Variants in SMOC2 observed in about 807,000 individuals in gnomAD.
SMOC2 encodes SPARC-related modular calcium-binding protein 2.
Under a neutral mutation model 61.4 loss-of-function variants are expected in SMOC2, and 39 were observed. That is an observed-to-expected ratio of 0.64 (90% CI 0.49 to 0.83). The LOEUF (loss-of-function observed/expected upper bound fraction) is 0.83. Among genes scored for constraint, SMOC2 ranks in the 40% least tolerant of loss-of-function variants. The pLI, the probability that SMOC2 is intolerant of heterozygous loss-of-function variation, is 0.00. For synonymous variants in SMOC2, 247 were observed against 239.9 expected, an observed-to-expected ratio of 1.03 and a Z score of -0.27; for missense variants, 556 against 592.9, an observed-to-expected ratio of 0.94 and a Z score of 0.65.
intron 7 of SMOC2, among the ~76,000 whole-genome samples, chr6:168,596,157 T>C (rs1341375416): frequency 4.1e-5 from 3 of 73,900 alleles, no homozygotes; most frequent in African/African-American, 1.8e-4. Context: ...AATGAACAGG[T>C]GCCATGTGAA....
In SMOC2 at chr6:168,643,198, G is replaced by A. The variant is rs1014388744; in HGVS notation, c.908-7483G>A. On this transcript the variant is annotated intron_variant, in intron 9 of 12. Transcript: ENST00000356284. ...ACAGCAAACTCAAGCAGGGCTCCTG[G>A]GTCCTCCCACAGCTGGCTGGGACCC... Among the ~76,000 whole-genome samples the A allele has an allele frequency of 2.0e-5, 3 of 152,212 alleles. No individual in the cohort carries two copies. In the South Asian group the frequency reaches 6.2e-4, roughly 32 times the overall value.
chr6:168,547,348 AC>A (rs10715583), intron 6 of SMOC2, among the ~76,000 whole-genome samples, 179 bp downstream of exon 6: 19,307 of 148,408 alleles, frequency 0.13, 3,609 homozygotes, highest in African/African-American at 0.42. Context: ...TTTAAAAAAA[AC>A]AAACAAACAA....
At chr6:168,480,329 C>T (rs1583046041) in intron 1 of SMOC2, among the ~76,000 whole-genome samples, 1 of 151,954 alleles carries the variant, frequency 6.6e-6, no homozygotes, top group East Asian at 1.9e-4. Flanking sequence ...TTGAAAACAC[C>T]TGTCTTAACG....
chr6:168,443,513 T>C (rs1583020947), intron 1 of SMOC2, among the ~76,000 whole-genome samples: 1 of 152,110 alleles, frequency 6.6e-6, no homozygotes, highest in African/African-American at 2.4e-5. Context: ...AAAATCAGTA[T>C]CCCGAAGAAA....
At chr6:168,614,364 G>C (rs1392077835) in intron 9 of SMOC2, among the ~76,000 whole-genome samples, 1 of 90,340 alleles carries the variant, frequency 1.1e-5, no homozygotes, top group African/African-American at 4.9e-5. Context: ...CATACCTACA[G>C]CCAGCACAGG....
chr6:168,608,043 C>A, intron 8 of SMOC2, 114 bp from the exon 9 acceptor site: 1 of 890,192 alleles, frequency 1.1e-6, no homozygotes, highest in South Asian at 1.7e-5. Flanking sequence ...AGCATCAGAG[C>A]CACAGGTCAC....
chr6:168,488,565 G>A (rs536913595), intron 1 of SMOC2, among the ~76,000 whole-genome samples: 1 of 152,350 alleles, frequency 6.6e-6, no homozygotes, highest in Non-Finnish European at 1.5e-5. Context: ...GGCACTGTGG[G>A]TGGGAGGCAG....
At chr6:168,556,087 G>C (rs1441567804) in intron 7 of SMOC2, among the ~76,000 whole-genome samples, 1 of 152,176 alleles carries the variant, frequency 6.6e-6, no homozygotes, top group East Asian at 1.9e-4. Flanking sequence ...TCACTGTTGA[G>C]GGGACCCCCT....
At chr6:168,546,094 C>T (rs1783989863) in intron 5 of SMOC2, among the ~76,000 whole-genome samples, 1 of 151,880 alleles carries the variant, frequency 6.6e-6, no homozygotes, top group Non-Finnish European at 1.5e-5. Context: ...TGATTTTCCC[C>T]CTAAAAAGTC....
intron 1 of SMOC2, among the ~76,000 whole-genome samples, chr6:168,493,722 G>A (rs1023548772): frequency 6.6e-6 from 1 of 152,120 alleles, no homozygotes; most frequent in African/African-American, 2.4e-5. Context: ...TGACAAACAA[G>A]TTGACATTGC....
chr6:168,623,333 T>A (rs967194372), intron 9 of SMOC2, among the ~76,000 whole-genome samples: 5 of 147,220 alleles, frequency 3.4e-5, no homozygotes, highest in Non-Finnish European at 7.5e-5. Flanking sequence ...TAATTAATTT[T>A]TTTTTTTTTT....
chr6:168,566,564 C>T (rs1038945072), intron 7 of SMOC2, among the ~76,000 whole-genome samples: 3 of 146,030 alleles, frequency 2.1e-5, no homozygotes, highest in African/African-American at 7.7e-5. Context: ...CTCACTGCAA[C>T]CGCCACCTCC....
intron 8 of SMOC2, among the ~76,000 whole-genome samples, chr6:168,601,012 T>G (rs1785539271): frequency 6.6e-6 from 1 of 152,224 alleles, no homozygotes; most frequent in Admixed American, 6.5e-5. Context: ...TATATAAAAA[T>G]AGTTTTAAAG....
chr6:168,556,776 T>C (rs1583106398), intron 7 of SMOC2, among the ~76,000 whole-genome samples: 1 of 116,038 alleles, frequency 8.6e-6, no homozygotes, highest in African/African-American at 3.4e-5. Context: ...CGCTGTGTGA[T>C]ATTCCCCTTC....
chr6:168,539,140 C>G (rs958086672), intron 4 of SMOC2, among the ~76,000 whole-genome samples: 4 of 152,292 alleles, frequency 2.6e-5, no homozygotes, highest in African/African-American at 9.6e-5. Flanking sequence ...AGTCTTCATG[C>G]TGACTGAAGC....
rs1173876826 is a variant in SMOC2 at position 168,544,512 on chromosome 6, A to G, written c.511+840A>G. ...AAATGGTGAAACGCCATCTCTACTAAAAAGACAAAAATTAACCAGGCATGG... is the reference window on the plus strand; with the variant it reads ...AAATGGTGAAACGCCATCTCTACTAGAAAGACAAAAATTAACCAGGCATGG... On this transcript the variant is annotated intron_variant, in intron 5 of 12. Transcript: ENST00000356284. This position sits in a 1 kb window ranked among gnomAD's most constrained non-coding sequence, Gnocchi z 4.1. Among the ~76,000 whole-genome samples the G allele has an allele frequency of 2.0e-5, 3 of 152,102 alleles. No individual in the cohort carries two copies. Among genetic ancestry groups the G allele is most frequent in the East Asian group, 3.9e-4 (2 of 5,184 alleles).
intron 7 of SMOC2, among the ~76,000 whole-genome samples, chr6:168,584,094 T>C (rs116928817): frequency 0.014 from 2,194 of 152,226 alleles, 81 homozygotes; most frequent in Admixed American, 0.072. Context: ...GGCCGGCCAA[T>C]AGTAACAAGA....
intron 1 of SMOC2, among the ~76,000 whole-genome samples, chr6:168,443,516 C>G (rs1020241052): frequency 6.6e-6 from 1 of 152,138 alleles, no homozygotes; most frequent in Non-Finnish European, 1.5e-5. Flanking sequence ...ATCAGTATCC[C>G]GAAGAAAAGA....
intron 9 of SMOC2, among the ~76,000 whole-genome samples, chr6:168,647,173 G>T (rs1787055669): frequency 6.6e-6 from 1 of 152,190 alleles, no homozygotes; most frequent in African/African-American, 2.4e-5. Flanking sequence ...TACTGTGAGT[G>T]GAACTGTCCC....
Sources: gnomAD v4.1 joint callset for allele counts (sites outside exome capture counted in the v4.1 genomes callset) on GRCh38, gnomAD v4.1.1 for gene constraint, Gnocchi (gnomAD v3.1) non-coding constraint, MANE v1.5 for transcripts, NCBI Gene and HGNC (gene_info 2026-07-23, HGNC 2026-07-21) for gene names.